RASA1: variants seen among roughly 807,000 people sequenced by gnomAD.
RASA1 encodes the protein ras GTPase-activating protein 1.
In RASA1, 25 loss-of-function variants were observed where a neutral mutation model predicts 132.2. The ratio of observed to expected loss-of-function variants is 0.19; its 90% CI spans 0.14 to 0.26. The LOEUF (loss-of-function observed/expected upper bound fraction) is 0.26, where lower values mean the gene tolerates loss of function less well. Among genes scored for constraint, RASA1 ranks in the 10% least tolerant of loss-of-function variants. RASA1 has a pLI of 1.00. For missense variants in RASA1, 964 were observed against 1,299.2 expected (o/e 0.74, Z 3.97); for synonymous variants, 477 against 449.9 (o/e 1.06, Z -0.76).
chr5:87,365,731 A>ACT (rs1393769009), intron 11 of RASA1, among the ~76,000 whole-genome samples: 2 of 152,136 alleles, frequency 1.3e-5, no homozygotes, highest in Non-Finnish European at 2.9e-5. Flanking sequence ...TAACTCACTT[A>ACT]CTAGGACCTG....
intron 16 of RASA1, 87 bp downstream of exon 16, chr5:87,376,652 T>A: frequency 1.4e-6 from 2 of 1,474,884 alleles, no homozygotes; most frequent in Non-Finnish European, 9.4e-7. Context: ...GTAAACATAG[T>A]AATTCATAGC....
chr5:87,278,545 CA>C (rs755209775), intron 1 of RASA1, among the ~76,000 whole-genome samples: 1 of 148,732 alleles, frequency 6.7e-6, no homozygotes, highest in East Asian at 2.0e-4. Context: ...GACTCTGTCT[CA>C]AAAAAAAAGA....
At chr5:87,294,511 G>A (rs1755037497) in intron 1 of RASA1, 1 of 152,152 alleles carries the variant, frequency 6.6e-6, no homozygotes. Context: ...TTTCTTACAT[G>A]TGCATTCAAA....
chr5:87,300,808 G>A (rs537988379), intron 1 of RASA1, among the ~76,000 whole-genome samples: 3 of 152,160 alleles, frequency 2.0e-5, no homozygotes, highest in South Asian at 2.1e-4. Context: ...CATAGTTAAC[G>A]AACAGAGAAA....
At chr5:87,386,298 G>A (rs1370424039) in intron 22 of RASA1, among the ~76,000 whole-genome samples, 1 of 152,028 alleles carries the variant, frequency 6.6e-6, no homozygotes, top group Non-Finnish European at 1.5e-5. Context: ...GTTTTAAGTA[G>A]TCAGGATTTT....
intron 9 of RASA1, among the ~76,000 whole-genome samples, chr5:87,358,825 C>G (rs1341645716): frequency 6.6e-6 from 1 of 152,188 alleles, no homozygotes; most frequent in African/African-American, 2.4e-5. Context: ...AAGCCAGACT[C>G]TTTCCTTCCT....
chr5:87,271,449 CTTCTTT>C (rs1753829845), intron 1 of RASA1, among the ~76,000 whole-genome samples: 11 of 67,494 alleles, frequency 1.6e-4, no homozygotes, highest in Admixed American at 9.9e-4. Flanking sequence ...TTTTAGTAGA[CTTCTTT>C]TTTTTTTTTT....
intron 1 of RASA1, among the ~76,000 whole-genome samples, chr5:87,289,882 C>G (rs1377754108): frequency 6.6e-6 from 1 of 151,910 alleles, no homozygotes; most frequent in Non-Finnish European, 1.5e-5. Context: ...GTGCTGGGAT[C>G]ACAGGCATGA....
intron 1 of RASA1, among the ~76,000 whole-genome samples, chr5:87,289,285 TTGA>T (rs1430950801): frequency 6.6e-6 from 1 of 152,180 alleles, no homozygotes; most frequent in Non-Finnish European, 1.5e-5. Flanking sequence ...AATTATCCTA[TTGA>T]TGATGTACCT....
intron 1 of RASA1, among the ~76,000 whole-genome samples, chr5:87,289,491 T>G (rs1754821037): frequency 6.6e-6 from 1 of 152,184 alleles, no homozygotes. Flanking sequence ...TTCGTTGAAA[T>G]TTATTAGTTG....
At chr5:87,313,414 G>A (rs930772076) in intron 1 of RASA1, among the ~76,000 whole-genome samples, 3 of 152,134 alleles carry the variant, frequency 2.0e-5, no homozygotes, top group African/African-American at 4.8e-5. Context: ...GTGAGAAATA[G>A]CTTGAATGGG....
intron 6 of RASA1, 116 bp from the exon 7 acceptor site, chr5:87,346,552 GATTA>G (rs1758874468): frequency 1.8e-6 from 1 of 560,224 alleles, no homozygotes; most frequent in Non-Finnish European, 3.2e-6. Flanking sequence ...GAGATGATTT[GATTA>G]ATTGCATTTA....
At chr5:87,321,475 A>G (rs963831161) in intron 1 of RASA1, among the ~76,000 whole-genome samples, 6 of 152,120 alleles carry the variant, frequency 3.9e-5, no homozygotes, top group Non-Finnish European at 7.4e-5. Flanking sequence ...TGGAACTTCT[A>G]CCAGATGGCT....
intron 13 of RASA1, 94 bp downstream of exon 13, chr5:87,372,289 C>A: frequency 1.7e-6 from 2 of 1,161,090 alleles, no homozygotes; most frequent in Non-Finnish European, 1.3e-6. Flanking sequence ...TTTTGGACAT[C>A]ATATGGGGTT....
chr5:87,294,856 A>G (rs760370827), intron 1 of RASA1, among the ~76,000 whole-genome samples: 1 of 152,200 alleles, frequency 6.6e-6, no homozygotes, highest in East Asian at 1.9e-4. Context: ...GATGTCAGTT[A>G]TATCCAGTTA....
intron 1 of RASA1, among the ~76,000 whole-genome samples, chr5:87,306,853 C>T (rs1235288988): frequency 6.6e-6 from 1 of 151,932 alleles, no homozygotes; most frequent in Non-Finnish European, 1.5e-5. Context: ...TGTCTGCGTA[C>T]CCTCCGCCAC....
intron 21 of RASA1, 70 bp downstream of exon 21, chr5:87,383,850 C>G: frequency 8.5e-7 from 1 of 1,171,098 alleles, no homozygotes; most frequent in Non-Finnish European, 1.2e-6. Context: ...TTTAAGAATA[C>G]TCTTAAATCT....
chr5:87,326,384 G>T (rs537505532), intron 1 of RASA1, among the ~76,000 whole-genome samples: 1 of 152,140 alleles, frequency 6.6e-6, no homozygotes, highest in East Asian at 1.9e-4. Flanking sequence ...TTAGATGTAT[G>T]ATATTGTATG....
intron 1 of RASA1, among the ~76,000 whole-genome samples, chr5:87,288,987 G>A (rs944487912): frequency 6.6e-6 from 1 of 152,098 alleles, no homozygotes; most frequent in Non-Finnish European, 1.5e-5. Flanking sequence ...TAACATTAAT[G>A]TATTATTCAT....
Sources: gnomAD v4.1 joint callset for allele counts (sites outside exome capture counted in the v4.1 genomes callset) on GRCh38, gnomAD v4.1.1 for gene constraint, MANE v1.5 for transcripts, NCBI Gene and HGNC (gene_info 2026-07-23, HGNC 2026-07-21) for gene names.